The following WRAP53 variants were observed in gnomAD, a reference collection of about 807,000 sequenced individuals.
WRAP53 encodes WD repeat containing antisense to TP53, also known as telomerase Cajal body protein 1.
A neutral mutation model predicts 56.6 loss-of-function variants in WRAP53; 28 were observed. The observed-to-expected ratio is 0.50, with a 90% confidence interval of 0.37 to 0.68. The LOEUF is 0.68. WRAP53 is among the 30% of genes least tolerant of loss of function. The probability of loss-of-function intolerance (pLI) is 0.00; values close to 1 mark genes in which losing one functional copy is unlikely to be tolerated. For missense variants in WRAP53, 671 were observed against 715.5 expected (o/e 0.94, Z 0.71); for synonymous variants, 283 against 283.4 (o/e 1.00, Z 0.01).
chr17:7,699,458 TTATA>T lies in WRAP53; in HGVS notation c.643-1269_643-1266del, dbSNP rs1165734343. Among the ~76,000 whole-genome samples the T allele has an allele frequency of 3.6e-3, 143 of 39,860 alleles. 3 individuals are homozygous for T. Among genetic ancestry groups the T allele is most frequent in the African/African-American group, 0.024 (124 of 5,174 alleles). 26.1% of individuals were successfully genotyped at this position (39,860 alleles called of 152,430 possible). A position where few individuals can be genotyped will look rare whatever the true frequency, so the allele number is the denominator to read the frequency against. On this transcript the variant is annotated intron_variant, in intron 4 of 10. Transcript: ENST00000396463. ...AAAAAATTTATATATATATATATAT[TTATA>T]TATATATATATATTTATATATATAT...
intron 4 of WRAP53, among the ~76,000 whole-genome samples, chr17:7,699,514 A>T (rs377389578): frequency 5.2e-4 from 13 of 25,212 alleles, no homozygotes; most frequent in Non-Finnish European, 7.7e-4. Context: ...ATATATATAT[A>T]TATATATTTA....
At position 7,701,564 on chromosome 17, in the gene WRAP53, A is replaced by G. The variant is rs769925717; in HGVS notation, c.822+15A>G. On this transcript the variant is annotated intron_variant, in intron 6 of 10. Transcript: ENST00000396463. The surrounding 1 kb of genome is among the most constrained non-coding windows in gnomAD (Gnocchi z 4.2). ...ACAACCACCTGGTAGGGACCGCCATACTCAGCCCCAGCACTCGTACTGGCC... is the reference window on the plus strand; with the variant it reads ...ACAACCACCTGGTAGGGACCGCCATGCTCAGCCCCAGCACTCGTACTGGCC... The G allele has an allele frequency of 2.5e-6, 4 of 1,614,000 alleles. No homozygotes were observed. The highest frequency in any genetic ancestry group is 3.4e-6 in the Non-Finnish European group (4 of 1,180,012).
chr17:7,693,625 C>T (rs921119812), intron 4 of WRAP53, among the ~76,000 whole-genome samples: 1 of 151,764 alleles, frequency 6.6e-6, no homozygotes, highest in Admixed American at 6.6e-5. Flanking sequence ...AGGTTTGAGG[C>T]AGGAGAATTG....
At position 7,701,412 on chromosome 17, in the gene WRAP53, C is replaced by T. The variant is rs1259383604; in HGVS notation, c.732-47C>T. 6.2e-7 allele frequency: 1 copy of T among 1,606,090 alleles called. No individual in the cohort carries two copies. Among genetic ancestry groups the T allele is most frequent in the Non-Finnish European group, 8.5e-7 (1 of 1,172,734 alleles). On this transcript the variant is annotated intron_variant, in intron 5 of 10. Coordinates refer to ENST00000396463, the MANE Select transcript of WRAP53 (RefSeq NM_001143992.2). This position sits in a 1 kb window ranked among gnomAD's most constrained non-coding sequence, Gnocchi z 4.2. The stretch of plus-strand genomic sequence containing the variant: ...GAGCCACTGTGCCCGGCCATTCCTC[C>T]CCTTCCTTTGACAGCACCGGGGTTT...
At chr17:7,697,159 A>G (rs916469443) in intron 4 of WRAP53, among the ~76,000 whole-genome samples, 4 of 152,032 alleles carry the variant, frequency 2.6e-5, no homozygotes, top group African/African-American at 9.7e-5. Context: ...CGTCTCTACT[A>G]AAAATACAAA....
At chr17:7,699,418 T>C (rs2074227695) in intron 4 of WRAP53, among the ~76,000 whole-genome samples, 1 of 126,360 alleles carries the variant, frequency 7.9e-6, no homozygotes, top group Admixed American at 8.7e-5. Flanking sequence ...AGACTCTGCC[T>C]TTAAAATTAA....
chr17:7,690,175 C>T (rs950622413), intron 4 of WRAP53, among the ~76,000 whole-genome samples: 1 of 152,222 alleles, frequency 6.6e-6, no homozygotes, highest in Non-Finnish European at 1.5e-5. Flanking sequence ...TATCAAATTC[C>T]TGACCTCAGA....
At chr17:7,691,295 G>GGGGGACAGAGGGGT (rs2074104794) in intron 4 of WRAP53, among the ~76,000 whole-genome samples, 1 of 152,156 alleles carries the variant, frequency 6.6e-6, no homozygotes, top group African/African-American at 2.4e-5. Flanking sequence ...AGGCAAGTGA[G>GGGGGACAGAGGGGT]GGGGACAGAG....
intron 4 of WRAP53, among the ~76,000 whole-genome samples, chr17:7,693,178 T>TTTCTTC (rs1555529786): frequency 4.4e-5 from 5 of 113,454 alleles, no homozygotes; most frequent in African/African-American, 4.0e-4. Flanking sequence ...ACTCTTTCTT[T>TTTCTTC]TTTTTCTTTT....
chr17:7,696,971 C>T (rs1164074679), intron 4 of WRAP53, among the ~76,000 whole-genome samples: 1 of 152,116 alleles, frequency 6.6e-6, no homozygotes, highest in African/African-American at 2.4e-5. Flanking sequence ...CAGCCTGAGG[C>T]CCAGAAGACA....
In WRAP53 at chr17:7,701,512, G is replaced by A; in HGVS notation, c.785G>A (p.Gly262Glu). 1 of 1,614,262 alleles carries A rather than the reference G, an allele frequency of 6.2e-7. No homozygotes were observed. Among genetic ancestry groups the A allele is most frequent in the South Asian group, 1.1e-5 (1 of 91,090 alleles). The change falls in exon 6 of 11, where the codon GGA becomes GAA. Residue 262 changes from glycine to glutamate, a missense_variant. By Grantham distance (98) the Gly-to-Glu change is moderately conservative. This residue lies in a region of WRAP53 where 406 missense variants were observed against 418.5 expected (regional missense o/e 0.97). Transcript: ENST00000396463. This position sits in a 1 kb window ranked among gnomAD's most constrained non-coding sequence, Gnocchi z 4.2. ...ATTCATATCTGGGACGCATTCACTG[G>A]AGAGCTCCGGGCTTCCTTTCGCGCC... The part of the protein sequence containing the change: ...NPIHIWDAFT[G>E]ELRASFRAYN...
At chr17:7,697,415 T>C (rs1032420111) in intron 4 of WRAP53, among the ~76,000 whole-genome samples, 4 of 152,084 alleles carry the variant, frequency 2.6e-5, no homozygotes, top group African/African-American at 9.7e-5. Flanking sequence ...ATCCCCACTT[T>C]GGGAGGCCGA....
intron 4 of WRAP53, among the ~76,000 whole-genome samples, chr17:7,691,209 A>AAAACAAAC (rs56358570): frequency 0.016 from 2,382 of 149,014 alleles, 51 homozygotes; most frequent in East Asian, 0.023. Flanking sequence ...ACTCCATCCC[A>AAAACAAAC]AAACAAACAA....
chr17:7,698,871 G>A (rs969243794), intron 4 of WRAP53, among the ~76,000 whole-genome samples: 4 of 137,482 alleles, frequency 2.9e-5, no homozygotes, highest in South Asian at 2.4e-4. Flanking sequence ...GCGAGACTCC[G>A]TCAAAAATAA....
In WRAP53 at chr17:7,698,659, G is replaced by A. The variant is rs541114384; in HGVS notation, c.643-2082G>A. ...TGGGAGACTGAGGTGGGTGGATCAC[G>A]AGGTCAGGAGTTCAAGACCAGCCTG... is the stretch of plus-strand genomic sequence containing the variant. On this transcript the variant is annotated intron_variant, in intron 4 of 10. Transcript: ENST00000396463. Among the ~76,000 whole-genome samples the A allele has an allele frequency of 5.3e-5, 8 of 152,114 alleles. No homozygotes were observed. The South Asian group carries it at 1.5e-3, about 28-fold the overall frequency.
intron 4 of WRAP53, among the ~76,000 whole-genome samples, chr17:7,696,290 ATTTTT>A (rs35901058): frequency 1.3e-4 from 10 of 79,906 alleles, no homozygotes; most frequent in East Asian, 8.5e-4. Flanking sequence ...GGACTCAGAG[ATTTTT>A]TTTTTTTTTT....
chr17:7,691,902 T>C (rs2151088019), intron 4 of WRAP53, among the ~76,000 whole-genome samples: 1 of 151,924 alleles, frequency 6.6e-6, no homozygotes, highest in Admixed American at 6.6e-5. Context: ...AGTGGCACCA[T>C]CTCAGCTCAC....
intron 4 of WRAP53, among the ~76,000 whole-genome samples, chr17:7,694,894 C>A (rs35922565): frequency 0.14 from 20,794 of 148,556 alleles, 1,832 homozygotes; most frequent in East Asian, 0.31. Flanking sequence ...CCAGTTCTAT[C>A]GCAACCTCTC....
chr17:7,699,524 AT>A (rs2074246136), intron 4 of WRAP53, among the ~76,000 whole-genome samples: 6 of 55,218 alleles, frequency 1.1e-4, no homozygotes, highest in African/African-American at 3.8e-4. Flanking sequence ...ATATATATTT[AT>A]ATATATATAT....
Sources: gnomAD v4.1 joint callset for allele counts (sites outside exome capture counted in the v4.1 genomes callset) on GRCh38, gnomAD v4.1.1 for gene constraint, gnomAD v4.1.1 regional missense constraint, Gnocchi (gnomAD v3.1) non-coding constraint, MANE v1.5 for transcripts, NCBI Gene and HGNC (gene_info 2026-07-23, HGNC 2026-07-21) for gene names.